CHD1L: variants seen among roughly 807,000 people sequenced by gnomAD.
CHD1L encodes chromodomain helicase DNA binding protein 1 like.
In CHD1L, 118 loss-of-function variants were observed where a neutral mutation model predicts 115.9. The ratio of observed to expected loss-of-function variants is 1.02; its 90% CI spans 0.88 to 1.19. The LOEUF (loss-of-function observed/expected upper bound fraction) is 1.19. Among genes scored for constraint, CHD1L ranks in the 50% most tolerant of loss-of-function variants. The probability of loss-of-function intolerance (pLI) is 0.00; values close to 1 mark genes in which losing one functional copy is unlikely to be tolerated. For synonymous variants in CHD1L, 411 were observed against 387.1 expected, an observed-to-expected ratio of 1.06 and a Z score of -0.72; for missense variants, 1,179 against 1,065.3, an observed-to-expected ratio of 1.11 and a Z score of -1.49.
chr1:147,276,006 AT>A, intron 13 of CHD1L, 97 bp from the exon 14 acceptor site: 1 of 1,171,150 alleles, frequency 8.5e-7, no homozygotes, highest in South Asian at 1.4e-5. Context: ...TGAATATGGT[AT>A]TTGGTTTTGT....
At chr1:147,290,015 C>G (rs1553968960) in intron 19 of CHD1L, among the ~76,000 whole-genome samples, 1 of 152,190 alleles carries the variant, frequency 6.6e-6, no homozygotes, top group East Asian at 1.9e-4. Context: ...TTTAGAATGA[C>G]TGAACAAAAA....
the CHD1L span, chr1:147,190,161 T>C: frequency 1.9e-6 from 3 of 1,551,144 alleles, no homozygotes; most frequent in African/African-American, 2.7e-5. Flanking sequence ...TATATCTTCC[T>C]GGGAGAGTTT....
At chr1:147,186,384 G>A in the CHD1L span, 1 of 900,138 alleles carries the variant, frequency 1.1e-6, no homozygotes, top group African/African-American at 1.8e-5. Flanking sequence ...GCATCTATAT[G>A]TCTTATCTTA....
At chr1:147,293,519 T>A in intron 20 of CHD1L, 89 bp from the exon 21 acceptor site, 1 of 1,033,848 alleles carries the variant, frequency 9.7e-7, no homozygotes, top group Non-Finnish European at 1.5e-6. Context: ...AAGTGACCCA[T>A]CAAGGGCTGT....
the CHD1L span, chr1:147,225,370 C>T: frequency 4.1e-6 from 1 of 243,008 alleles, no homozygotes; most frequent in Non-Finnish European, 8.1e-6. Context: ...TTACTATAAA[C>T]CAACAACGGA....
chr1:147,260,397 G>T (rs587709116), intron 6 of CHD1L: 3 of 152,194 alleles, frequency 2.0e-5, no homozygotes, highest in Admixed American at 2.0e-4. Context: ...TTTCGAGTTC[G>T]ATTTCTGCAG....
the CHD1L span, among the ~76,000 whole-genome samples, chr1:147,230,825 A>T: frequency 6.6e-6 from 1 of 150,958 alleles, no homozygotes; most frequent in African/African-American, 2.4e-5. Context: ...CTCTGATGGT[A>T]GTTTGTATTT....
chr1:147,183,044 A>G, the CHD1L span, among the ~76,000 whole-genome samples: 20 of 152,248 alleles, frequency 1.3e-4, no homozygotes, highest in East Asian at 3.7e-3. Context: ...CTAAAAATAC[A>G]AAGATTAGCC....
Position 147,275,435 on chromosome 1 carries a change from C to T in CHD1L, c.1352C>T (p.Ala451Val), listed in dbSNP as rs782073787. Residue 451 changes from alanine (A) to valine (V), a missense_variant, in exon 13 of 23, where the codon GCA (alanine) becomes GTA (valine). Physicochemically the swap from Ala to Val is moderately conservative, Grantham distance 64. Transcript: ENST00000369258. Reference sequence around the variant, plus strand: ...TTTAATCCTCAGAATGACTTGCAAGCAGCTGCCAGGGCTCATCGCATTGGC... The same window carrying T: ...TTTAATCCTCAGAATGACTTGCAAGTAGCTGCCAGGGCTCATCGCATTGGC... ...SDFNPQNDLQ[A>V]AARAHRIGQN... The T allele has an allele frequency of 4.3e-6, 7 of 1,613,982 alleles. No individual in the cohort carries two copies. Among genetic ancestry groups the T allele is most frequent in the South Asian group, 2.2e-5 (2 of 91,086 alleles).
the CHD1L span, chr1:147,204,555 T>C: frequency 6.3e-7 from 1 of 1,586,040 alleles, no homozygotes; most frequent in South Asian, 1.1e-5. Context: ...CTATGACCTC[T>C]GAAACTGACA....
Position 147,252,692 on chromosome 1 carries a change from G to T in CHD1L, c.197G>T (p.Gly66Val). ...GCCCAGCGCTTCCATTGTCAGAATG[G>T]CTGTATCCTGGGAGATGAGATGGGC... ...WLAQRFHCQN[G>V]CILGDEMGLG... The change falls in exon 2 of 23, where the codon GGC becomes GTC. Residue 66 changes from glycine (G) to valine (V), a missense_variant. Gly to Val is a moderately radical substitution (Grantham distance 109). Transcript: ENST00000369258. 1 of 1,614,096 alleles carries T rather than the reference G, an allele frequency of 6.2e-7. No homozygotes were observed. The highest frequency in any genetic ancestry group is 2.2e-5 in the East Asian group (1 of 44,874).
Position 147,265,775 on chromosome 1 carries a change from TGAAG to T in CHD1L, c.740-152_740-149del. Among the ~76,000 whole-genome samples the T allele has an allele frequency of 2.0e-5, 3 of 152,162 alleles. No individual in the cohort carries two copies. In the South Asian group the frequency reaches 6.2e-4, roughly 32 times the overall value. The stretch of plus-strand genomic sequence containing the variant: ...GATTCCAGAAAAAAGATGATCCCAA[TGAAG>T]GAAGAAATACTATAAAAAAATGATC... On this transcript the variant is annotated intron_variant, in intron 7 of 22. Transcript: ENST00000369258.
Position 147,264,577 on chromosome 1 carries a change from T to C in CHD1L, c.732T>C (p.Ser244=), listed in dbSNP as rs1553946685. ...GCTACCAGGATATTGAGAAAGAATC[T>C]GAGTCAGGCAAGTTCCTTTCCTGCA... The part of the protein sequence containing the change: ...IQRYQDIEKE[S]ESASELHKLL... The change falls in exon 7 of 23, where the codon TCT becomes TCC. Residue 244 remains serine, a synonymous_variant. Transcript: ENST00000369258. 1 of 1,612,966 alleles carries C rather than the reference T, an allele frequency of 6.2e-7. No homozygotes were observed. Among genetic ancestry groups the C allele is most frequent in the South Asian group, 1.1e-5 (1 of 90,832 alleles).
chr1:147,226,838 C>CTTT, the CHD1L span, among the ~76,000 whole-genome samples: 22,405 of 148,904 alleles, frequency 0.15, 2,327 homozygotes, highest in East Asian at 0.47. Context: ...AACTGTCGAA[C>CTTT]TTTTTTTTTT....
At chr1:147,270,348 C>T (rs1014938502) in intron 10 of CHD1L, among the ~76,000 whole-genome samples, 2 of 152,080 alleles carry the variant, frequency 1.3e-5, no homozygotes, top group East Asian at 1.9e-4. Context: ...AAAATTTTCT[C>T]GTGTTATGGA....
At chr1:147,182,096 A>G in the CHD1L span, among the ~76,000 whole-genome samples, 2 of 152,192 alleles carry the variant, frequency 1.3e-5, no homozygotes. Context: ...AGTGTTAGAG[A>G]TCTACCTCAA....
At chr1:147,211,876 A>G in the CHD1L span, among the ~76,000 whole-genome samples, 2 of 152,212 alleles carry the variant, frequency 1.3e-5, no homozygotes, top group African/African-American at 4.8e-5. Context: ...CGCTATACGG[A>G]TACCCACATT....
Position 147,294,493 on chromosome 1 carries a change from C to T in CHD1L, c.2591C>T (p.Ala864Val), listed in dbSNP as rs781816199. The change falls in exon 22 of 23, where the codon GCT becomes GTT. Residue 864 changes from alanine to valine, a missense_variant. Coordinates refer to ENST00000369258, the MANE Select transcript of CHD1L (RefSeq NM_004284.6). ...GAGCGACTTATTCGGAAACATCTGG[C>T]TGCAAGAGGCATCCCAACTTACATG... ...GTERLIRKHL[A>V]ARGIPTYIYY... The T allele has an allele frequency of 6.2e-7, 1 of 1,612,354 alleles. No individual in the cohort carries two copies. Among genetic ancestry groups the T allele is most frequent in the Non-Finnish European group, 8.5e-7 (1 of 1,179,260 alleles).
At chr1:147,196,604 A>T in the CHD1L span, among the ~76,000 whole-genome samples, 779 of 152,210 alleles carry the variant, frequency 5.1e-3, 8 homozygotes, top group African/African-American at 0.017. Context: ...AAAAAAATTA[A>T]AAAATTTTAA....
Sources: allele counts gnomAD v4.1 joint callset (sites outside exome capture counted in the v4.1 genomes callset), GRCh38; gene constraint gnomAD v4.1.1; transcripts MANE v1.5; gene names NCBI Gene and HGNC (gene_info 2026-07-23, HGNC 2026-07-21).